AP1G2: variants seen among roughly 807,000 people sequenced by gnomAD.
The protein encoded by AP1G2 is AP-1 complex subunit gamma-like 2.
A neutral mutation model predicts 95.8 loss-of-function variants in AP1G2; 85 were observed. The observed-to-expected ratio is 0.89, with a 90% CI of 0.74 to 1.06. AP1G2 has a LOEUF of 1.06. Among genes scored for constraint, AP1G2 ranks in the 50% least tolerant of loss-of-function variants. The probability of loss-of-function intolerance (pLI) is 0.00; values close to 1 mark genes in which losing one functional copy is unlikely to be tolerated. For missense variants in AP1G2, 967 were observed against 1,005.8 expected (o/e 0.96, Z 0.52); for synonymous variants, 378 against 400.0 (o/e 0.94, Z 0.66).
In AP1G2 at chr14:23,564,470, T is replaced by G. The variant is rs897798229; in HGVS notation, c.922-82A>C. On this transcript the variant is annotated intron_variant, in intron 9 of 21. Transcript: ENST00000397120. The stretch of plus-strand genomic sequence containing the variant: ...GGACTGGGAACACATTGGCGCAAGA[T>G]GATGGGGCTAGGAGGGAGAAACCAG... 3.7e-6 allele frequency: 6 copies of G among 1,602,384 alleles called. No homozygotes were observed. The East Asian group carries it at 1.3e-4, about 36-fold the overall frequency.
intron 14 of AP1G2, 114 bp downstream of exon 14, chr14:23,563,266 G>A (rs2139213499): frequency 1.3e-6 from 2 of 1,509,436 alleles, no homozygotes; most frequent in Admixed American, 4.1e-5. Context: ...CTTCTGCACT[G>A]TGTAAGCAGC....
chr14:23,566,299 G>C lies in AP1G2; in HGVS notation c.450C>G (p.Pro150=). 1 of 1,613,988 alleles carries C rather than the reference G, an allele frequency of 6.2e-7. No homozygotes were observed. The highest frequency in any genetic ancestry group is 8.5e-7 in the Non-Finnish European group (1 of 1,180,022). ...TCACCTTCTTGCGCACGTAGGGACT[G>C]GGCTGCAGGAGCAGTTTCTCCACCT... ...APEVEKLLLQ[P]SPYVRKKAIL... is the part of the protein sequence containing the mutation. Residue 150 remains proline (P), a synonymous_variant, in exon 4 of 22, where the codon CCC becomes CCG. Transcript: ENST00000397120.
At chr14:23,566,538 A>G in intron 3 of AP1G2, 24 bp downstream of exon 3, 2 of 1,613,272 alleles carry the variant, frequency 1.2e-6, no homozygotes, top group Non-Finnish European at 1.7e-6. Context: ...CCCTGATTCC[A>G]AGTGATTGCC....
At position 23,564,071 on chromosome 14, in the gene AP1G2, G is replaced by A. The variant is rs370569720; in HGVS notation, c.1066C>T (p.Arg356Trp). The change falls in exon 11 of 22, where the codon CGG becomes TGG. Residue 356 changes from arginine to tryptophan, a missense_variant. Transcript: ENST00000397120. ...CGGCTGAGGGAGGCATCAGTTTCCC[G>A]TAGACATTCCACCACAGTGGGCCGA... ...RHRPTVVECLRETDASLSRRA... is the reference protein window; with the variant it reads ...RHRPTVVECLWETDASLSRRA... 9.3e-6 allele frequency: 15 copies of A among 1,614,170 alleles called. No homozygotes were observed. Among genetic ancestry groups the A allele is most frequent in the South Asian group, 3.3e-5 (3 of 91,082 alleles).
chr14:23,565,109 C>T lies in AP1G2; in HGVS notation c.822+10G>A. 7 of 1,614,196 alleles carry T rather than the reference C, an allele frequency of 4.3e-6. No individual in the cohort carries two copies. The highest frequency in any genetic ancestry group is 5.9e-6 in the Non-Finnish European group (7 of 1,179,986). ...GCAACACAGCTAACCAGTGCCCTCCCAGGCCCCACCTGGGCCAGCAAGTCA... is the reference window on the plus strand; with the variant it reads ...GCAACACAGCTAACCAGTGCCCTCCTAGGCCCCACCTGGGCCAGCAAGTCA... On this transcript the variant is annotated intron_variant, in intron 8 of 21. Transcript: ENST00000397120.
At position 23,564,619 on chromosome 14, in the gene AP1G2, C is replaced by G. The variant is rs558042965; in HGVS notation, c.864G>C (p.Ala288=). 2.5e-6 allele frequency: 4 copies of G among 1,613,744 alleles called. No individual in the cohort carries two copies. The highest frequency in any genetic ancestry group is 1.7e-5 in the Admixed American group (1 of 60,032). The change falls in exon 9 of 22, where the codon GCG becomes GCC. Residue 288 remains alanine (A), a synonymous_variant. Coordinates refer to ENST00000397120, the MANE Select transcript of AP1G2 (RefSeq NM_003917.5). ...NTDTSRNAGN[A]VLFETVLTIM... ...TGGTGAGTACTGTCTCAAACAGGAC[C>G]GCATTTCCGGCATTTCGGCTGGTGT... is the stretch of plus-strand genomic sequence containing the variant.
At chr14:23,563,089 T>A in intron 14 of AP1G2, 1 of 1,322,416 alleles carries the variant, frequency 7.6e-7, no homozygotes, top group East Asian at 3.2e-5. Context: ...AAGGTAATAA[T>A]AAAACCTCAT....
chr14:23,563,275 G>C (rs1307218995), intron 14 of AP1G2, 105 bp downstream of exon 14: 1 of 1,518,378 alleles, frequency 6.6e-7, no homozygotes, highest in Non-Finnish European at 8.8e-7. Context: ...TGTGTAAGCA[G>C]CTGTGACCTT....
At chr14:23,565,433 A>G in intron 7 of AP1G2, 173 bp downstream of exon 7, 1 of 726,080 alleles carries the variant, frequency 1.4e-6, no homozygotes. Flanking sequence ...CCTGACTTTT[A>G]GGCATTCCCT....
At position 23,562,306 on chromosome 14, in the gene AP1G2, C is replaced by T. The variant is rs142884247; in HGVS notation, c.1610G>A (p.Arg537His). The change falls in exon 16 of 22, where the codon CGC becomes CAC. Residue 537 changes from arginine to histidine, a missense_variant. Coordinates refer to ENST00000397120, the MANE Select transcript of AP1G2 (RefSeq NM_003917.5). ...TTCTTACTTGTTGTCCCCACAGAGG[C>T]GAGTGCTGAGCTTCATGAGGGCTGT... ...ALTALMKLSTRLCGDNNRIRQ... is the reference protein window; with the variant it reads ...ALTALMKLSTHLCGDNNRIRQ... 5.1e-5 allele frequency: 82 copies of T among 1,614,078 alleles called. No individual in the cohort carries two copies. In the African/African-American group the frequency reaches 8.7e-4, roughly 17 times the overall value.
chr14:23,565,871 G>A lies in AP1G2; in HGVS notation c.590C>T (p.Thr197Met), dbSNP rs758686644. 1.7e-5 allele frequency: 27 copies of A among 1,583,378 alleles called. No homozygotes were observed. The highest frequency in any genetic ancestry group is 1.1e-4 in the East Asian group (5 of 44,696). Residue 197 changes from threonine (T) to methionine (M), a missense_variant, in exon 6 of 22, where the codon ACG (threonine) becomes ATG (methionine). Physicochemically the swap from Thr to Met is moderately conservative, Grantham distance 81. Transcript: ENST00000397120. ...TCGTTCGCAGAGCTCCGTGATCAGC[G>A]TGATGGTGCCCAGCAGGATGCCTGG... ...RHHGILLGTI[T>M]LITELCERSP...
intron 12 of AP1G2, 26 bp downstream of exon 12, chr14:23,563,690 C>T (rs1265530919): frequency 1.9e-6 from 3 of 1,614,174 alleles, no homozygotes; most frequent in Admixed American, 3.3e-5. Flanking sequence ...CCAGATTCTA[C>T]CCTCTTCGAC....
At position 23,561,423 on chromosome 14, in the gene AP1G2, C is replaced by G. The variant is rs1453588626; in HGVS notation, c.1866G>C (p.Gln622His). 2.5e-6 allele frequency: 4 copies of G among 1,610,378 alleles called. No individual in the cohort carries two copies. Among genetic ancestry groups the G allele is most frequent in the Non-Finnish European group, 3.4e-6 (4 of 1,177,450 alleles). ...CCAGGAGATCTAGCAGATCCAGGAG[C>G]TGTGAGGCCTGGCAGAAGGGACAGA... is the stretch of plus-strand genomic sequence containing the variant. ...APVPTEPQAS[Q>H]LLDLLDLLDG... The change falls in exon 19 of 22, where the codon CAG becomes CAC. Residue 622 changes from glutamine to histidine, a missense_variant. Coordinates refer to ENST00000397120, the MANE Select transcript of AP1G2 (RefSeq NM_003917.5).
chr14:23,562,782 C>T, intron 14 of AP1G2, 189 bp from the exon 15 acceptor site: 1 of 640,678 alleles, frequency 1.6e-6, no homozygotes, highest in Non-Finnish European at 2.6e-6. Flanking sequence ...GAAAGAAACA[C>T]TGCTGGGCCA....
chr14:23,561,735 G>A (rs954588213), intron 17 of AP1G2, 100 bp from the exon 18 acceptor site: 2 of 1,528,742 alleles, frequency 1.3e-6, no homozygotes, highest in South Asian at 1.2e-5. Flanking sequence ...TGGGCACATG[G>A]TGGCTCAGAA....
rs1021773318 is a variant in AP1G2 at position 23,561,027 on chromosome 14, T to G, written c.1993+269A>C. 11 of 1,102,324 alleles carry G rather than the reference T, an allele frequency of 1.0e-5. No individual in the cohort carries two copies. The African/African-American group carries it at 1.6e-4, about 16-fold the overall frequency. 68.3% of individuals were successfully genotyped at this position (1,102,324 alleles called of 1,614,324 possible). ...CCAAGGGTGGGAGGGTGTGAGGAGC[T>G]GAGAAGGGGGCAGTGAGTGGGTAGT... On this transcript the variant is annotated intron_variant, in intron 19 of 21. Coordinates refer to ENST00000397120, the MANE Select transcript of AP1G2 (RefSeq NM_003917.5).
At chr14:23,566,480 C>A (rs1888051819) in intron 3 of AP1G2, 61 bp from the exon 4 acceptor site, 1 of 1,607,136 alleles carries the variant, frequency 6.2e-7, no homozygotes, top group East Asian at 2.2e-5. Context: ...TTTCAATACC[C>A]ACAACAGGCA....
Position 23,566,289 on chromosome 14 carries a change from C to G in AP1G2, c.460G>C (p.Val154Leu). 1 of 1,613,882 alleles carries G rather than the reference C, an allele frequency of 6.2e-7. No homozygotes were observed. The highest frequency in any genetic ancestry group is 1.1e-5 in the South Asian group (1 of 91,072). ...TCCCGCCATCTCACCTTCTTGCGCA[C>G]GTAGGGACTGGGCTGCAGGAGCAGT... ...EKLLLQPSPYVRKKAILTAVH... is the reference protein window; with the variant it reads ...EKLLLQPSPYLRKKAILTAVH... Residue 154 changes from valine (V) to leucine (L), a missense_variant, in exon 4 of 22, where the codon GTG (valine) becomes CTG (leucine). Coordinates refer to ENST00000397120, the MANE Select transcript of AP1G2 (RefSeq NM_003917.5).
At chr14:23,565,959 T>C (rs748416937) in intron 5 of AP1G2, 67 bp from the exon 6 acceptor site, 2 of 1,607,692 alleles carry the variant, frequency 1.2e-6, no homozygotes, top group Non-Finnish European at 1.7e-6. Flanking sequence ...CGTGTGTGCC[T>C]GTGTGTGTGC....
Sources: gnomAD v4.1 joint callset for allele counts on GRCh38, gnomAD v4.1.1 for gene constraint, MANE v1.5 for transcripts, NCBI Gene and HGNC (gene_info 2026-07-23, HGNC 2026-07-21) for gene names.